Variants in MDGA2 observed in about 807,000 individuals in gnomAD.
MDGA2 encodes MAM domain containing glycosylphosphatidylinositol anchor 2.
MDGA2 carries 40 observed loss-of-function variants against 117.8 expected under a neutral mutation model. The observed-to-expected ratio is 0.34, with a 90% CI of 0.26 to 0.44. MDGA2 has a LOEUF of 0.44. Among genes scored for constraint, MDGA2 ranks in the 20% least tolerant of loss-of-function variants. The probability of loss-of-function intolerance (pLI) is 1.00; values close to 1 mark genes in which losing one functional copy is unlikely to be tolerated. For missense variants in MDGA2, 1,123 were observed against 1,250.6 expected, an observed-to-expected ratio of 0.90 and a Z score of 1.54; for synonymous variants, 452 against 439.0, an observed-to-expected ratio of 1.03 and a Z score of -0.37.
intron 5 of MDGA2, among the ~76,000 whole-genome samples, chr14:47,125,856 GT>G (rs1432241452): frequency 6.6e-6 from 1 of 151,912 alleles, no homozygotes; most frequent in Non-Finnish European, 1.5e-5. Context: ...TAAAAAATAT[GT>G]TTTTCATCCT....
chr14:47,492,788 T>C (rs1316038778), intron 1 of MDGA2, among the ~76,000 whole-genome samples: 1 of 152,082 alleles, frequency 6.6e-6, no homozygotes, highest in Admixed American at 6.6e-5. Context: ...ACCCCACCCA[T>C]GACCTTGCTA....
chr14:46,927,152 A>C (rs1243774412), intron 9 of MDGA2, among the ~76,000 whole-genome samples: 4 of 152,188 alleles, frequency 2.6e-5, no homozygotes, highest in Non-Finnish European at 4.4e-5. Context: ...TGTGTCATGA[A>C]ATTGGGAGCA....
At chr14:47,604,486 C>CA (rs1555335636) in intron 1 of MDGA2, among the ~76,000 whole-genome samples, 2 of 100,066 alleles carry the variant, frequency 2.0e-5, no homozygotes, top group Non-Finnish European at 3.7e-5. Flanking sequence ...ACAGCTTCCC[C>CA]ACCCCCCCCC....
intron 2 of MDGA2, among the ~76,000 whole-genome samples, chr14:47,225,617 A>T (rs536639820): frequency 6.7e-6 from 1 of 149,762 alleles, no homozygotes; most frequent in Non-Finnish European, 1.5e-5. Flanking sequence ...AACAATGAGA[A>T]CACGTGGACA....
intron 2 of MDGA2, among the ~76,000 whole-genome samples, chr14:47,286,826 C>CACACATAT (rs1555370157): frequency 1.4e-5 from 1 of 71,928 alleles, no homozygotes; most frequent in East Asian, 6.2e-4. Flanking sequence ...TATATATATA[C>CACACATAT]ATATATATAT....
chr14:47,143,259 G>A (rs145211255), intron 4 of MDGA2, among the ~76,000 whole-genome samples: 77 of 152,224 alleles, frequency 5.1e-4, no homozygotes, highest in African/African-American at 1.7e-3. Flanking sequence ...GTACAGGCAT[G>A]AGCCACCACG....
At chr14:46,975,961 T>G (rs1005166916) in intron 8 of MDGA2, among the ~76,000 whole-genome samples, 1 of 152,078 alleles carries the variant, frequency 6.6e-6, no homozygotes, top group African/African-American at 2.4e-5. Flanking sequence ...CCTAACCACC[T>G]CCCAAAAGGA....
chr14:47,428,143 C>G (rs1034653032), intron 1 of MDGA2, among the ~76,000 whole-genome samples: 1 of 152,054 alleles, frequency 6.6e-6, no homozygotes, highest in Non-Finnish European at 1.5e-5. Flanking sequence ...CACTTCAAAT[C>G]TGATACAGAA....
intron 1 of MDGA2, among the ~76,000 whole-genome samples, chr14:47,645,769 A>T (rs991913462): frequency 1.3e-5 from 2 of 151,882 alleles, no homozygotes; most frequent in Non-Finnish European, 2.9e-5. Flanking sequence ...AATAACACCC[A>T]ATATTAAAGA....
chr14:47,177,099 G>T (rs1043618105), intron 3 of MDGA2, among the ~76,000 whole-genome samples: 2 of 152,158 alleles, frequency 1.3e-5, no homozygotes, highest in African/African-American at 4.8e-5. Context: ...AAACCACAAT[G>T]AGATACCATC....
At chr14:47,531,274 A>G (rs1594902626) in intron 1 of MDGA2, among the ~76,000 whole-genome samples, 1 of 152,190 alleles carries the variant, frequency 6.6e-6, no homozygotes, top group South Asian at 2.1e-4. Context: ...AAACCACCTA[A>G]TTAACATTAC....
chr14:47,123,572 T>C (rs1881755389), intron 5 of MDGA2, among the ~76,000 whole-genome samples: 1 of 152,102 alleles, frequency 6.6e-6, no homozygotes, highest in Non-Finnish European at 1.5e-5. Context: ...AAGTTTCTTC[T>C]ATTTCCTAAT....
At chr14:46,887,524 T>C (rs1360691337) in intron 10 of MDGA2, among the ~76,000 whole-genome samples, 3 of 152,010 alleles carry the variant, frequency 2.0e-5, no homozygotes, top group Admixed American at 6.6e-5. Context: ...GCATACAATG[T>C]ATTTTTAACT....
At chr14:46,994,868 C>G (rs978205485) in intron 8 of MDGA2, among the ~76,000 whole-genome samples, 4 of 152,050 alleles carry the variant, frequency 2.6e-5, no homozygotes, top group Non-Finnish European at 5.9e-5. Flanking sequence ...ATACTGTGTT[C>G]CTTTTTTAAA....
chr14:47,525,231 G>A (rs903087581), intron 1 of MDGA2, among the ~76,000 whole-genome samples: 1 of 152,120 alleles, frequency 6.6e-6, no homozygotes, highest in East Asian at 1.9e-4. Flanking sequence ...TCACTTACTC[G>A]TTTCTGGTTT....
At chr14:47,240,857 T>C (rs536287722) in intron 2 of MDGA2, among the ~76,000 whole-genome samples, 1 of 151,998 alleles carries the variant, frequency 6.6e-6, no homozygotes, top group South Asian at 2.1e-4. Flanking sequence ...AAGGAGGGTG[T>C]CACTTAATTA....
At chr14:47,116,032 C>G (rs1881311442) in intron 5 of MDGA2, among the ~76,000 whole-genome samples, 1 of 151,766 alleles carries the variant, frequency 6.6e-6, no homozygotes, top group South Asian at 2.1e-4. Flanking sequence ...TTATAGTAAG[C>G]CCTAAAAACT....
intron 1 of MDGA2, among the ~76,000 whole-genome samples, chr14:47,344,825 T>C (rs1484239128): frequency 1.3e-5 from 2 of 152,010 alleles, no homozygotes; most frequent in Admixed American, 1.3e-4. Context: ...TATCATAAAA[T>C]TGCAACTTAA....
chr14:47,144,938 T>C (rs1882879797), intron 3 of MDGA2, among the ~76,000 whole-genome samples: 1 of 151,360 alleles, frequency 6.6e-6, no homozygotes, highest in Non-Finnish European at 1.5e-5. Context: ...CGTGAACTAC[T>C]ATACTAGACC....
Sources: allele counts gnomAD v4.1 joint callset (sites outside exome capture counted in the v4.1 genomes callset), GRCh38; gene constraint gnomAD v4.1.1; transcripts MANE v1.5; gene names NCBI Gene and HGNC (gene_info 2026-07-23, HGNC 2026-07-21).